Variants in ACOX3 observed in about 807,000 individuals in gnomAD.
ACOX3 encodes the protein peroxisomal acyl-coenzyme A oxidase 3.
Under a neutral mutation model 81.5 loss-of-function variants are expected in ACOX3, and 73 were observed. That is an observed-to-expected ratio of 0.90 (90% confidence interval 0.74 to 1.09). The LOEUF (loss-of-function observed/expected upper bound fraction) is 1.09, where lower values mean the gene tolerates loss of function less well. ACOX3 is among the 50% of genes least tolerant of loss of function. The pLI, the probability that ACOX3 is intolerant of heterozygous loss-of-function variation, is 0.00. For missense variants in ACOX3, 947 were observed against 928.0 expected (o/e 1.02, Z -0.27); for synonymous variants, 387 against 375.1 (o/e 1.03, Z -0.37).
Position 8,440,673 on chromosome 4 carries a change from G to A in ACOX3, c.-40C>T, listed in dbSNP as rs1724574314. ...CCACACACTCCACAGTTCAACCCCTGCCAGGGAAACCAAAAGCAGGAAAGG... is the reference window on the plus strand; with the variant it reads ...CCACACACTCCACAGTTCAACCCCTACCAGGGAAACCAAAAGCAGGAAAGG... On this transcript the variant is annotated 5_prime_UTR_variant, in exon 1 of 18. An upstream open reading frame in the 5' UTR gains an earlier in-frame stop. Coordinates refer to ENST00000356406, the MANE Select transcript of ACOX3 (RefSeq NM_003501.3). The A allele has an allele frequency of 1.9e-6, 2 of 1,032,954 alleles. No homozygotes were observed. Among genetic ancestry groups the A allele is most frequent in the East Asian group, 6.0e-5 (2 of 33,282 alleles). 64.0% of individuals were successfully genotyped at this position (1,032,954 alleles called of 1,614,324 possible). A position where few individuals can be genotyped will look rare whatever the true frequency, so the allele number is the denominator to read the frequency against.
rs1723978668 is a variant in ACOX3, at chr4:8,431,888, A to G, written c.-15+8760T>C. Among the ~76,000 whole-genome samples, 1 of 152,226 alleles carries G rather than the reference A, an allele frequency of 6.6e-6. No individual in the cohort carries two copies. The highest frequency in any genetic ancestry group is 6.5e-5 in the Admixed American group (1 of 15,288). On this transcript the variant is annotated intron_variant, in intron 1 of 17. Coordinates refer to ENST00000356406, the MANE Select transcript of ACOX3 (RefSeq NM_003501.3). The surrounding 1 kb of genome is among the most constrained non-coding windows in gnomAD (Gnocchi z 5.3). ...GTTATGTGCACACATTGTTAAAGCT[A>G]AAGTTGCCTCCCACCCTCCGGTCAT... is the stretch of plus-strand genomic sequence containing the variant.
the ACOX3 span, among the ~76,000 whole-genome samples, chr4:8,359,057 G>A: frequency 6.6e-6 from 1 of 152,078 alleles, no homozygotes; most frequent in South Asian, 2.1e-4. This position sits in a 1 kb window ranked among gnomAD's most constrained non-coding sequence, Gnocchi z 6.0. Flanking sequence ...TTGACTCAAA[G>A]GTTTACTTTG....
chr4:8,411,192 C>T (rs1578958692), intron 5 of ACOX3, among the ~76,000 whole-genome samples: 1 of 152,208 alleles, frequency 6.6e-6, no homozygotes, highest in Non-Finnish European at 1.5e-5. Flanking sequence ...CCGCAGGTGG[C>T]CCACAGAGCT....
At chr4:8,412,815 C>T (rs1469569142) in intron 5 of ACOX3, among the ~76,000 whole-genome samples, 2 of 152,102 alleles carry the variant, frequency 1.3e-5, no homozygotes, top group South Asian at 4.1e-4. Context: ...CCCTCGCTGC[C>T]CTGCGCCCCT....
At position 8,368,391 on chromosome 4, in the gene ACOX3, G is replaced by C. The variant is rs1400588387; in HGVS notation, c.1984-1311C>G. On this transcript the variant is annotated intron_variant, in intron 17 of 17. Coordinates refer to ENST00000356406, the MANE Select transcript of ACOX3 (RefSeq NM_003501.3). This position sits in a 1 kb window ranked among gnomAD's most constrained non-coding sequence, Gnocchi z 5.9. Reference sequence around the variant, plus strand: ...ACACTTCACCCGTGCAGGGTGGAAAGGGGCAGCCCAGACCATCTCCAGGGC... The same window carrying C: ...ACACTTCACCCGTGCAGGGTGGAAACGGGCAGCCCAGACCATCTCCAGGGC... 6.6e-6 allele frequency among the ~76,000 whole-genome samples: 1 copy of C among 152,246 alleles called. No individual in the cohort carries two copies. Among genetic ancestry groups the C allele is most frequent in the Non-Finnish European group, 1.5e-5 (1 of 68,040 alleles).
rs1434543535 is a variant in ACOX3, at chr4:8,423,589, G to A, written c.-14-7054C>T. 2.0e-5 allele frequency among the ~76,000 whole-genome samples: 3 copies of A among 152,110 alleles called. No homozygotes were observed. The highest frequency in any genetic ancestry group is 7.2e-5 in the African/African-American group (3 of 41,418). ...AATTTTAGGAGTACAGAAACCCAAT[G>A]GACAGTGGAGGTTAGTGCAAGATCT... On this transcript the variant is annotated intron_variant, in intron 1 of 17. Transcript: ENST00000356406. This position sits in a 1 kb window ranked among gnomAD's most constrained non-coding sequence, Gnocchi z 4.2.
At chr4:8,362,626 C>T (rs764937591), downstream of ACOX3, among the ~76,000 whole-genome samples, 4 of 152,194 alleles carry the variant, frequency 2.6e-5, no homozygotes, top group Non-Finnish European at 5.9e-5. Context: ...CCAATAAAAG[C>T]CCCTTGGCGA....
chr4:8,410,048 G>A (rs1329971994), intron 6 of ACOX3, among the ~76,000 whole-genome samples, 164 bp downstream of exon 6: 1 of 152,022 alleles, frequency 6.6e-6, no homozygotes, highest in Non-Finnish European at 1.5e-5. Flanking sequence ...TTGCACTGTG[G>A]GCGGGGCTAT....
chr4:8,371,527 T>C (rs1330268976), intron 16 of ACOX3, among the ~76,000 whole-genome samples: 1 of 152,244 alleles, frequency 6.6e-6, no homozygotes, highest in African/African-American at 2.4e-5. Context: ...AGAATTTTCT[T>C]AAGATGCAAA....
chr4:8,423,687 A>G lies in ACOX3; in HGVS notation c.-14-7152T>C, dbSNP rs1290557765. ...ATCTTATACTCACTCTGCTTTCCCA[A>G]ATACCAGAGGAAGCAGAGTGGTTTA... On this transcript the variant is annotated intron_variant, in intron 1 of 17. Coordinates refer to ENST00000356406, the MANE Select transcript of ACOX3 (RefSeq NM_003501.3). The surrounding 1 kb of genome is among the most constrained non-coding windows in gnomAD (Gnocchi z 4.2). Among the ~76,000 whole-genome samples the G allele has an allele frequency of 6.6e-6, 1 of 152,118 alleles. No homozygotes were observed. The highest frequency in any genetic ancestry group is 2.4e-5 in the African/African-American group (1 of 41,418).
chr4:8,434,522 G>T (rs2631729), intron 1 of ACOX3, among the ~76,000 whole-genome samples: 1 of 152,170 alleles, frequency 6.6e-6, no homozygotes, highest in African/African-American at 2.4e-5. Context: ...GAGTGCTCCC[G>T]GGTAGGCATT....
intron 1 of ACOX3, among the ~76,000 whole-genome samples, chr4:8,422,138 G>C (rs1023717050): frequency 6.6e-6 from 1 of 151,934 alleles, no homozygotes; most frequent in Non-Finnish European, 1.5e-5. Flanking sequence ...GAGGGAAAGA[G>C]AAACAGAGAG....
chr4:8,420,389 C>G (rs564516889), intron 1 of ACOX3, among the ~76,000 whole-genome samples: 1 of 152,288 alleles, frequency 6.6e-6, no homozygotes, highest in East Asian at 1.9e-4. Flanking sequence ...AGCTGGATTT[C>G]CAAGGCTGAC....
rs1454377258 is a variant in ACOX3, at chr4:8,385,541, G to GC, written c.1537+3631dup. Among the ~76,000 whole-genome samples the GC allele has an allele frequency of 1.4e-4, 21 of 152,242 alleles. No homozygotes were observed. The highest frequency in any genetic ancestry group is 1.2e-3 in the Admixed American group (19 of 15,280). On this transcript the variant is annotated intron_variant, in intron 13 of 17. Coordinates refer to ENST00000356406, the MANE Select transcript of ACOX3 (RefSeq NM_003501.3). This position sits in a 1 kb window ranked among gnomAD's most constrained non-coding sequence, Gnocchi z 5.5. ...TAAACAACAGGGCCCACTGCAGGAA[G>GC]CAACAGCACAGGCCCCCAAGGCACA...
intron 7 of ACOX3, among the ~76,000 whole-genome samples, chr4:8,404,771 G>T (rs892567571): frequency 6.6e-6 from 1 of 152,162 alleles, no homozygotes; most frequent in Admixed American, 6.5e-5. Context: ...CACCAGCCTC[G>T]CTATGAAACA....
At chr4:8,362,553 T>C (rs2108769637), downstream of ACOX3, among the ~76,000 whole-genome samples, 2 of 152,350 alleles carry the variant, frequency 1.3e-5, 1 homozygote, top group East Asian at 3.9e-4. Context: ...AACTGGTTAT[T>C]TTACCAAGGC....
At chr4:8,387,826 G>A (rs1718494435) in intron 13 of ACOX3, among the ~76,000 whole-genome samples, 1 of 152,176 alleles carries the variant, frequency 6.6e-6, no homozygotes, top group Admixed American at 6.5e-5. Flanking sequence ...TGGCACCAAG[G>A]GAGCCTTCAG....
At chr4:8,396,137 C>T (rs1239864546) in intron 9 of ACOX3, among the ~76,000 whole-genome samples, 1 of 152,248 alleles carries the variant, frequency 6.6e-6, no homozygotes, top group East Asian at 1.9e-4. Context: ...GCTGCCCCAT[C>T]TCTGGGGACG....
rs764876840 is a variant in ACOX3, at chr4:8,414,293, T to A, written c.542A>T (p.Glu181Val). ...GACCCGGGGGAAGGTAATACCTACCTCAGTGGCAGGATCGTAGTGGGCAGT... is the reference window on the plus strand; with the variant it reads ...GACCCGGGGGAAGGTAATACCTACCACAGTGGCAGGATCGTAGTGGGCAGT... The part of the protein sequence containing the change: ...RTTAHYDPAT[E>V]EFIIHSPDFE... The change falls in exon 5 of 18, where the codon GAG becomes GTG. Residue 181 changes from glutamate (E) to valine (V), a missense_variant and splice_region_variant. Coordinates refer to ENST00000356406, the MANE Select transcript of ACOX3 (RefSeq NM_003501.3). This position sits in a 1 kb window ranked among gnomAD's most constrained non-coding sequence, Gnocchi z 6.1. The A allele has an allele frequency of 6.2e-7, 1 of 1,613,180 alleles. No individual in the cohort carries two copies. Among genetic ancestry groups the A allele is most frequent in the Admixed American group, 1.7e-5 (1 of 60,016 alleles).
Sources: allele counts gnomAD v4.1 joint callset (sites outside exome capture counted in the v4.1 genomes callset), GRCh38; gene constraint gnomAD v4.1.1; non-coding constraint Gnocchi (gnomAD v3.1); transcripts MANE v1.5; gene names NCBI Gene and HGNC (gene_info 2026-07-23, HGNC 2026-07-21).